SSBP3: variants seen among roughly 807,000 people sequenced by gnomAD.
The protein encoded by SSBP3 is single-stranded DNA-binding protein 3.
SSBP3 carries 5 observed loss-of-function variants against 69.6 expected under a neutral mutation model. The ratio of observed to expected loss-of-function variants is 0.07; its 90% CI spans 0.04 to 0.15. The LOEUF is 0.15. Ranked by LOEUF, SSBP3 falls within the 10% of genes least tolerant of loss-of-function variation. The probability of loss-of-function intolerance (pLI) is 1.00; values close to 1 mark genes in which losing one functional copy is unlikely to be tolerated. For missense variants in SSBP3, 312 were observed against 534.0 expected (o/e 0.58, Z 4.10); for synonymous variants, 196 against 193.4 (o/e 1.01, Z -0.11).
intron 4 of SSBP3, among the ~76,000 whole-genome samples, chr1:54,388,463 G>A (rs763487533): frequency 4.6e-5 from 7 of 152,232 alleles, no homozygotes; most frequent in African/African-American, 7.2e-5. Context: ...GCAGTAAATG[G>A]TGGTCACTGC....
At chr1:54,342,933 G>A (rs1048980681) in intron 4 of SSBP3, among the ~76,000 whole-genome samples, 3 of 152,120 alleles carry the variant, frequency 2.0e-5, no homozygotes, top group South Asian at 2.1e-4. Context: ...CCCCGATGCC[G>A]ACAGATGGGG....
At chr1:54,389,220 A>G (rs951700841) in intron 4 of SSBP3, among the ~76,000 whole-genome samples, 21 of 152,054 alleles carry the variant, frequency 1.4e-4, no homozygotes, top group Non-Finnish European at 4.4e-5. Flanking sequence ...ATTAATGGTG[A>G]CTCAATGCAT....
intron 4 of SSBP3, among the ~76,000 whole-genome samples, chr1:54,341,862 A>G (rs888760526): frequency 6.0e-5 from 9 of 150,264 alleles, no homozygotes; most frequent in African/African-American, 1.0e-4. Flanking sequence ...GGAGAGAGAG[A>G]GGGGGAGAGA....
At chr1:54,332,194 G>C (rs1468121409) in intron 4 of SSBP3, among the ~76,000 whole-genome samples, 1 of 152,192 alleles carries the variant, frequency 6.6e-6, no homozygotes, top group Non-Finnish European at 1.5e-5. Context: ...CTCCCAGGAG[G>C]CAAGGGGGGT....
At chr1:54,244,505 C>T (rs912899691) in intron 9 of SSBP3, among the ~76,000 whole-genome samples, 2 of 152,184 alleles carry the variant, frequency 1.3e-5, no homozygotes, top group Non-Finnish European at 1.5e-5. Context: ...CTTCAGCCTC[C>T]GAAAGTATCA....
chr1:54,342,856 C>A (rs966460091), intron 4 of SSBP3, among the ~76,000 whole-genome samples: 4 of 152,196 alleles, frequency 2.6e-5, no homozygotes, highest in African/African-American at 9.7e-5. Context: ...TCTGTTATCA[C>A]AGACCCTTCT....
chr1:54,309,915 C>A (rs1263304081), intron 4 of SSBP3, among the ~76,000 whole-genome samples: 1 of 152,144 alleles, frequency 6.6e-6, no homozygotes, highest in Non-Finnish European at 1.5e-5. Context: ...TTAAAATGCT[C>A]TTGTTGCTCG....
Position 54,234,046 on chromosome 1 carries a change from C to T in SSBP3, c.927+5083G>A, listed in dbSNP as rs868436409. Among the ~76,000 whole-genome samples, 521 of 151,766 alleles carry T rather than the reference C, an allele frequency of 3.4e-3. 4 individuals carry two copies. Among genetic ancestry groups the T allele is most frequent in the African/African-American group, 0.012 (492 of 41,338 alleles). ...GGGATCCTGTTGATCTGTGACCTTA[C>T]CCCCAACCCTGTGCTCTCTGAAACA... On this transcript the variant is annotated intron_variant, in intron 14 of 17. Coordinates refer to ENST00000610401, the Ensembl canonical transcript of SSBP3.
At chr1:54,381,643 A>G (rs1373208412) in intron 4 of SSBP3, among the ~76,000 whole-genome samples, 1 of 152,168 alleles carries the variant, frequency 6.6e-6, no homozygotes. Flanking sequence ...ACTTGGCTCA[A>G]CCAAGTCCAC....
At chr1:54,260,472 C>T (rs1410906175) in intron 5 of SSBP3, among the ~76,000 whole-genome samples, 3 of 152,220 alleles carry the variant, frequency 2.0e-5, no homozygotes, top group Non-Finnish European at 1.5e-5. Context: ...GGGCGTGTGG[C>T]GCACACGGTG....
chr1:54,255,405 C>T (rs911493421), intron 7 of SSBP3, among the ~76,000 whole-genome samples: 1 of 152,198 alleles, frequency 6.6e-6, no homozygotes, highest in Non-Finnish European at 1.5e-5. Context: ...GGTGGGAAGG[C>T]TGCTGCTGGC....
chr1:54,227,348 A>G (rs1257124851), intron 17 of SSBP3, among the ~76,000 whole-genome samples, 188 bp from the exon 18 acceptor site: 54 of 152,118 alleles, frequency 3.5e-4, no homozygotes, highest in Non-Finnish European at 1.5e-5. Context: ...AAGGGCCAGG[A>G]GGCGGGAGCT....
At chr1:54,266,799 T>G (rs1299029656) in intron 5 of SSBP3, among the ~76,000 whole-genome samples, 1 of 152,212 alleles carries the variant, frequency 6.6e-6, no homozygotes. Context: ...ACACCTGAAT[T>G]TGGCTGTCAC....
At chr1:54,395,021 T>TTTTA (rs1489967817) in intron 4 of SSBP3, among the ~76,000 whole-genome samples, 1 of 151,918 alleles carries the variant, frequency 6.6e-6, no homozygotes, top group Admixed American at 6.6e-5. Flanking sequence ...TTTTTTTTTT[T>TTTTA]TTATTGTATG....
intron 4 of SSBP3, among the ~76,000 whole-genome samples, chr1:54,367,048 A>G (rs1647039813): frequency 6.6e-6 from 1 of 152,194 alleles, no homozygotes; most frequent in Non-Finnish European, 1.5e-5. Context: ...GATCACCTGA[A>G]GTAGCATGCA....
chr1:54,402,498 G>A (rs763900627), intron 3 of SSBP3, among the ~76,000 whole-genome samples: 1 of 152,020 alleles, frequency 6.6e-6, no homozygotes, highest in Non-Finnish European at 1.5e-5. Flanking sequence ...CCCAGAGCCC[G>A]CACCTCCACC....
intron 4 of SSBP3, among the ~76,000 whole-genome samples, chr1:54,374,752 A>G (rs899586209): frequency 1.3e-5 from 2 of 152,174 alleles, no homozygotes; most frequent in Non-Finnish European, 2.9e-5. Context: ...GAACCCAGAC[A>G]GAGTGTAAAA....
chr1:54,396,125 G>A (rs1393448188), intron 4 of SSBP3, among the ~76,000 whole-genome samples: 2 of 149,028 alleles, frequency 1.3e-5, no homozygotes, highest in Admixed American at 6.7e-5. Flanking sequence ...CCGGGAGGCG[G>A]AGGCTGCAGT....
At chr1:54,330,652 C>T (rs575658164) in intron 4 of SSBP3, among the ~76,000 whole-genome samples, 12 of 152,328 alleles carry the variant, frequency 7.9e-5, no homozygotes, top group Admixed American at 4.6e-4. Context: ...GGTGAGGACA[C>T]GGGCTCTACC....
Sources: gnomAD v4.1 joint callset for allele counts (sites outside exome capture counted in the v4.1 genomes callset) on GRCh38, gnomAD v4.1.1 for gene constraint, MANE v1.5 for transcripts, NCBI Gene and HGNC (gene_info 2026-07-23, HGNC 2026-07-21) for gene names.